The following MEIKIN variants were observed in gnomAD, a reference collection of about 807,000 sequenced individuals.
MEIKIN encodes the protein meiosis-specific kinetochore protein.
rs73259958 is a variant in MEIKIN at position 131,908,554 on chromosome 5, A to G, written c.703+3261T>C. 3.7e-3 allele frequency among the ~76,000 whole-genome samples: 560 copies of G among 152,298 alleles called. 3 individuals are homozygous for G. The highest frequency in any genetic ancestry group is 0.012 in the African/African-American group (508 of 41,574). ...TGCTCACTTTCACCATTATTATTCA[A>G]CATAGTATCGGAAGTCTAGCTAGAG... On this transcript the variant is annotated intron_variant, in intron 8 of 12. Transcript: ENST00000442687.
At chr5:131,851,177 G>A (rs1036852238) in intron 11 of MEIKIN, 87 bp downstream of exon 11, 2 of 392,638 alleles carry the variant, frequency 5.1e-6, no homozygotes, top group Admixed American at 4.4e-5. Context: ...TGAGTTAAGA[G>A]ATTTCTTATA....
intron 11 of MEIKIN, among the ~76,000 whole-genome samples, chr5:131,819,598 C>CTTTT (rs34041769): frequency 1.5e-5 from 2 of 130,660 alleles, no homozygotes; most frequent in Non-Finnish European, 3.3e-5. Context: ...TAGAAACTTC[C>CTTTT]TTTTTTTTTT....
intron 11 of MEIKIN, among the ~76,000 whole-genome samples, chr5:131,832,319 A>AT (rs1185517199): frequency 1.3e-5 from 2 of 151,818 alleles, no homozygotes; most frequent in Admixed American, 6.6e-5. Flanking sequence ...CCAACATGAT[A>AT]TTTTTTTTGA....
intron 5 of MEIKIN, 22 bp from the exon 6 acceptor site, chr5:131,921,963 A>C: frequency 2.5e-6 from 1 of 398,846 alleles, no homozygotes; most frequent in Non-Finnish European, 4.4e-6. Context: ...GAGAAGAAAT[A>C]GTGTAAGACT....
At chr5:131,848,809 A>G (rs939267445) in intron 11 of MEIKIN, among the ~76,000 whole-genome samples, 3 of 152,208 alleles carry the variant, frequency 2.0e-5, no homozygotes, top group Non-Finnish European at 4.4e-5. Flanking sequence ...GCATATTAAA[A>G]TTATTATAGG....
intron 3 of MEIKIN, among the ~76,000 whole-genome samples, chr5:131,943,883 CG>C (rs1239001577): frequency 2.6e-5 from 4 of 152,014 alleles, no homozygotes; most frequent in Non-Finnish European, 1.5e-5. Context: ...TATGGGAGGC[CG>C]TGGCGAGCAG....
intron 8 of MEIKIN, among the ~76,000 whole-genome samples, chr5:131,902,504 G>C (rs1751176320): frequency 1.4e-5 from 2 of 141,524 alleles, no homozygotes; most frequent in Admixed American, 1.4e-4. Flanking sequence ...TGTACATCTT[G>C]CTTCCTGTAC....
In MEIKIN at chr5:131,921,868, T is replaced by C. The variant is rs1751510704; in HGVS notation, c.552A>G (p.Val184=). 5.0e-6 allele frequency: 2 copies of C among 399,048 alleles called. No individual in the cohort carries two copies. The highest frequency in any genetic ancestry group is 8.8e-5 in the Admixed American group (2 of 22,744). 24.7% of individuals were successfully genotyped at this position (399,048 alleles called of 1,614,324 possible). The change falls in exon 6 of 13, where the codon GTA becomes GTG. Residue 184 remains valine (V), a synonymous_variant. Coordinates refer to ENST00000442687, the MANE Select transcript of MEIKIN (RefSeq NM_001303622.2). The part of the protein sequence containing the change: ...NSTLLDTSKA[V]AIEKAPQFSN... Reference sequence around the variant, plus strand: ...AAAACTGTGGTGCCTTCTCTATCGCTACTGCTTTACTGGTATCCAGAAGAG... The same window carrying C: ...AAAACTGTGGTGCCTTCTCTATCGCCACTGCTTTACTGGTATCCAGAAGAG...
chr5:131,816,957 T>A (rs1349347202), intron 12 of MEIKIN, among the ~76,000 whole-genome samples: 7 of 152,118 alleles, frequency 4.6e-5, no homozygotes, highest in Non-Finnish European at 1.0e-4. Flanking sequence ...TCTGTTTCTG[T>A]GAGGATGTTT....
intron 5 of MEIKIN, among the ~76,000 whole-genome samples, chr5:131,931,344 A>T (rs759613120): frequency 6.6e-6 from 1 of 151,594 alleles, no homozygotes; most frequent in Admixed American, 6.6e-5. Context: ...TTTTTCCCCC[A>T]CTCACTCTGC....
At chr5:131,832,451 T>C (rs1453251987) in intron 11 of MEIKIN, among the ~76,000 whole-genome samples, 3 of 152,100 alleles carry the variant, frequency 2.0e-5, no homozygotes, top group Non-Finnish European at 4.4e-5. Flanking sequence ...TGGGCTGGTG[T>C]TGAGTGTCTG....
intron 8 of MEIKIN, among the ~76,000 whole-genome samples, chr5:131,902,049 T>C (rs1751167381): frequency 6.6e-6 from 1 of 152,122 alleles, no homozygotes; most frequent in Non-Finnish European, 1.5e-5. Context: ...TTTAAAAGTG[T>C]ATAGTACCTC....
chr5:131,816,399 G>T (rs1224194919), intron 12 of MEIKIN, among the ~76,000 whole-genome samples: 1 of 152,156 alleles, frequency 6.6e-6, no homozygotes, highest in African/African-American at 2.4e-5. Flanking sequence ...GATAATATAG[G>T]TAGGCCTCAT....
intron 10 of MEIKIN, among the ~76,000 whole-genome samples, chr5:131,852,951 TG>T (rs1332891718): frequency 6.6e-6 from 1 of 152,080 alleles, no homozygotes; most frequent in Middle Eastern, 3.2e-3. Flanking sequence ...GAATAAAAAA[TG>T]AGACACTCAT....
At chr5:131,816,744 G>A (rs1003584744) in intron 12 of MEIKIN, among the ~76,000 whole-genome samples, 2 of 152,156 alleles carry the variant, frequency 1.3e-5, no homozygotes, top group Admixed American at 1.3e-4. Flanking sequence ...CTATGCTGAT[G>A]TTATCAGAGA....
intron 8 of MEIKIN, among the ~76,000 whole-genome samples, chr5:131,882,662 C>A (rs1381232030): frequency 6.6e-6 from 1 of 152,178 alleles, no homozygotes; most frequent in East Asian, 1.9e-4. Context: ...TTTCTCAGTA[C>A]ATTTAGAATA....
chr5:131,883,696 C>A (rs1436424698), intron 8 of MEIKIN, among the ~76,000 whole-genome samples: 1 of 152,148 alleles, frequency 6.6e-6, no homozygotes, highest in African/African-American at 2.4e-5. Flanking sequence ...TTCATAAGAA[C>A]CAAAATTCAG....
intron 8 of MEIKIN, among the ~76,000 whole-genome samples, chr5:131,883,028 T>C (rs377014591): frequency 7.2e-5 from 11 of 152,226 alleles, no homozygotes. Flanking sequence ...TATTTGACGT[T>C]ATATATTTAT....
At chr5:131,934,942 G>C (rs1363013598) in intron 4 of MEIKIN, among the ~76,000 whole-genome samples, 1 of 151,986 alleles carries the variant, frequency 6.6e-6, no homozygotes, top group Non-Finnish European at 1.5e-5. Context: ...TGTAGTCTCA[G>C]CTACCTGGGA....
Sources: gnomAD v4.1 joint callset for allele counts (sites outside exome capture counted in the v4.1 genomes callset) on GRCh38, gnomAD v4.1.1 for gene constraint, MANE v1.5 for transcripts, NCBI Gene and HGNC (gene_info 2026-07-23, HGNC 2026-07-21) for gene names.